Variants in MTCL1 observed in about 807,000 individuals in gnomAD.
MTCL1 encodes the protein microtubule cross-linking factor 1.
Under a neutral mutation model 141.4 loss-of-function variants are expected in MTCL1, and 79 were observed. That is an observed-to-expected ratio of 0.56 (90% CI 0.47 to 0.67). The LOEUF is 0.67. Among genes scored for constraint, MTCL1 ranks in the 30% least tolerant of loss-of-function variants. The pLI is 0.00. For synonymous variants in MTCL1, 914 were observed against 875.8 expected (o/e 1.04, Z -0.77); for missense variants, 2,177 against 2,113.9 (o/e 1.03, Z -0.59).
At chr18:8,795,892 T>C (rs1034066333) in intron 8 of MTCL1, among the ~76,000 whole-genome samples, 4 of 152,188 alleles carry the variant, frequency 2.6e-5, no homozygotes, top group African/African-American at 7.2e-5. Flanking sequence ...TGGAATCTGC[T>C]TACACCGGAT....
At chr18:8,776,261 C>T (rs1013947117) in intron 4 of MTCL1, among the ~76,000 whole-genome samples, 10 of 152,162 alleles carry the variant, frequency 6.6e-5, no homozygotes, top group Non-Finnish European at 1.3e-4. Context: ...GCTCTGCTTC[C>T]CCACCTGCTT....
intron 4 of MTCL1, among the ~76,000 whole-genome samples, chr18:8,746,307 G>A (rs1309333112): frequency 1.3e-5 from 2 of 152,174 alleles, no homozygotes; most frequent in African/African-American, 2.4e-5. Context: ...TTAAGGAACC[G>A]CCCCACTGTT....
At chr18:8,706,663 G>A in exon 1 of MTCL1, 1 of 1,546,486 alleles carries the variant, frequency 6.5e-7, no homozygotes, top group Non-Finnish European at 8.7e-7. Context: ...GGAGGAAGAA[G>A]AGCTGCTGCG....
chr18:8,706,243 G>A (rs1458627052), exon 1 of MTCL1: 2 of 1,228,380 alleles, frequency 1.6e-6, no homozygotes, highest in Non-Finnish European at 2.0e-6. Flanking sequence ...CTCGGTGGCC[G>A]GGTCCCCGGC....
rs771574533 is a variant in MTCL1 at position 8,784,460 on chromosome 18, G to A, written c.1348G>A (p.Asp450Asn). Residue 450 changes from aspartate (D) to asparagine (N), a missense_variant, in exon 6 of 17, where the codon GAC (aspartate) becomes AAC (asparagine). By Grantham distance (23) the Asp-to-Asn change is conservative. Coordinates refer to ENST00000359865, the Ensembl canonical transcript of MTCL1. ...CACGGAGCTCCTGAAGGCCCGGGAG[G>A]ACTCTGAGTACCTAGTGACCCTAAA... 7 of 1,542,194 alleles carry A rather than the reference G, an allele frequency of 4.5e-6. No individual in the cohort carries two copies. In the Admixed American group the frequency reaches 5.9e-5, roughly 13 times the overall value.
chr18:8,793,136 G>T lies in MTCL1; in HGVS notation c.2010+16G>T. 6.2e-7 allele frequency: 1 copy of T among 1,612,162 alleles called. No individual in the cohort carries two copies. The highest frequency in any genetic ancestry group is 1.3e-5 in the African/African-American group (1 of 74,984). ...GATCCATAAGGTAAATATTTAACAC[G>T]GACTCAGCACAACCGCTTTGTGAAC... On this transcript the variant is annotated intron_variant, in intron 8 of 16. Transcript: ENST00000359865.
chr18:8,726,567 G>GT (rs1471008831), intron 4 of MTCL1, among the ~76,000 whole-genome samples: 1 of 148,942 alleles, frequency 6.7e-6, no homozygotes, highest in Non-Finnish European at 1.5e-5. Flanking sequence ...ATGTTCTGGT[G>GT]TTTCTTCCTC....
At chr18:8,710,741 A>G (rs56277134) in intron 1 of MTCL1, among the ~76,000 whole-genome samples, 72,144 of 150,786 alleles carry the variant, frequency 0.48, 18,213 homozygotes, top group East Asian at 0.68. Context: ...AAATGGGGGC[A>G]GGGAGTAAAG....
chr18:8,789,242 C>T (rs1216593083), intron 7 of MTCL1, among the ~76,000 whole-genome samples: 1 of 152,194 alleles, frequency 6.6e-6, no homozygotes, highest in Non-Finnish European at 1.5e-5. Context: ...AAGGAAGTTA[C>T]GTGGGGTTTT....
chr18:8,798,016 T>G, intron 9 of MTCL1, 81 bp from the exon 9 acceptor site: 1 of 1,374,720 alleles, frequency 7.3e-7, no homozygotes, highest in Non-Finnish European at 9.9e-7. Context: ...AAGTAGATGG[T>G]TATCCTCAGA....
chr18:8,748,458 G>A (rs1422896479), intron 4 of MTCL1, among the ~76,000 whole-genome samples: 1 of 152,032 alleles, frequency 6.6e-6, no homozygotes, highest in Non-Finnish European at 1.5e-5. Context: ...TGGGAGGATC[G>A]TTTGAGCGCG....
intron 4 of MTCL1, among the ~76,000 whole-genome samples, chr18:8,738,145 G>C (rs753140218): frequency 3.3e-5 from 5 of 152,090 alleles, no homozygotes; most frequent in African/African-American, 2.4e-5. Context: ...CAGTGGGGTG[G>C]GCTTCCTCTC....
chr18:8,715,943 C>G (rs909432875), upstream of MTCL1, among the ~76,000 whole-genome samples: 7 of 152,198 alleles, frequency 4.6e-5, no homozygotes, highest in African/African-American at 1.4e-4. Flanking sequence ...GCCCAAACCA[C>G]CCATTCTGTT....
intron 14 of MTCL1, 102 bp downstream of exon 13, chr18:8,821,600 T>A (rs2076848509): frequency 2.1e-5 from 12 of 574,596 alleles, no homozygotes. Flanking sequence ...CTCTTCAAAA[T>A]GACTTAAAAT....
intron 11 of MTCL1, chr18:8,809,566 GA>G: frequency 6.5e-7 from 1 of 1,536,188 alleles, no homozygotes; most frequent in Non-Finnish European, 8.7e-7. Context: ...TTGGAGGTGA[GA>G]GGGGTGACTC....
intron 4 of MTCL1, among the ~76,000 whole-genome samples, chr18:8,771,420 AAAT>A (rs1480191938): frequency 1.3e-5 from 2 of 152,224 alleles, no homozygotes; most frequent in African/African-American, 4.8e-5. Context: ...CAAACTTTCT[AAAT>A]AATAAGAATC....
At chr18:8,740,560 G>A (rs553695043) in intron 4 of MTCL1, among the ~76,000 whole-genome samples, 22 of 152,270 alleles carry the variant, frequency 1.4e-4, no homozygotes, top group African/African-American at 4.8e-4. Flanking sequence ...CCAGCTCATT[G>A]CAACCTCCAC....
Position 8,828,842 on chromosome 18 carries a change from C to T in MTCL1, c.4723-66C>T, listed in dbSNP as rs2077105681. 1 of 1,612,170 alleles carries T rather than the reference C, an allele frequency of 6.2e-7. No individual in the cohort carries two copies. The highest frequency in any genetic ancestry group is 8.5e-7 in the Non-Finnish European group (1 of 1,179,562). On this transcript the variant is annotated intron_variant, in intron 15 of 16. Coordinates refer to ENST00000359865, the Ensembl canonical transcript of MTCL1. The surrounding 1 kb of genome is among the most constrained non-coding windows in gnomAD (Gnocchi z 5.2). ...TTGCTGACTTTAAACCTTTATTGTT[C>T]TCCTGTTTAAAAAACACTTTCCAAC...
At chr18:8,712,738 A>G (rs2096101605), upstream of MTCL1, among the ~76,000 whole-genome samples, 2 of 152,062 alleles carry the variant, frequency 1.3e-5, no homozygotes, top group Admixed American at 1.3e-4. Context: ...CTCCTTAGTT[A>G]CAGCTGGGAC....
Sources: gnomAD v4.1 joint callset for allele counts (sites outside exome capture counted in the v4.1 genomes callset) on GRCh38, gnomAD v4.1.1 for gene constraint, Gnocchi (gnomAD v3.1) non-coding constraint, MANE v1.5 for transcripts, NCBI Gene and HGNC (gene_info 2026-07-23, HGNC 2026-07-21) for gene names.